The following MGAT5 variants were observed in gnomAD, a reference collection of about 807,000 sequenced individuals.
MGAT5 encodes alpha-1,6-mannosylglycoprotein 6-beta-N-acetylglucosaminyltransferase A.
Under a neutral mutation model 94.3 loss-of-function variants are expected in MGAT5, and 30 were observed. That is an observed-to-expected ratio of 0.32 (90% CI 0.24 to 0.43). The LOEUF (loss-of-function observed/expected upper bound fraction) is 0.43. Among genes scored for constraint, MGAT5 ranks in the 20% least tolerant of loss-of-function variants. The probability of loss-of-function intolerance (pLI) is 1.00; values close to 1 mark genes in which losing one functional copy is unlikely to be tolerated. For missense variants in MGAT5, 691 were observed against 905.5 expected, an observed-to-expected ratio of 0.76 and a Z score of 3.04; for synonymous variants, 310 against 322.9, an observed-to-expected ratio of 0.96 and a Z score of 0.43.
At chr2:134,309,617 T>A (rs982196334) in intron 2 of MGAT5, among the ~76,000 whole-genome samples, 1 of 152,200 alleles carries the variant, frequency 6.6e-6, no homozygotes, top group Non-Finnish European at 1.5e-5. Context: ...CCAGCTGTGT[T>A]CTTCCTATCA....
intron 1 of MGAT5, among the ~76,000 whole-genome samples, chr2:134,194,065 C>G (rs112601258): frequency 3.3e-5 from 5 of 152,204 alleles, no homozygotes; most frequent in African/African-American, 9.6e-5. Context: ...ATTCCATGCA[C>G]TTTCAATACA....
chr2:134,150,905 C>G (rs970352385), intron 1 of MGAT5, among the ~76,000 whole-genome samples: 1 of 152,178 alleles, frequency 6.6e-6, no homozygotes, highest in Non-Finnish European at 1.5e-5. Flanking sequence ...GTTTGGATCT[C>G]TGTGAGGCTC....
intron 9 of MGAT5, among the ~76,000 whole-genome samples, chr2:134,354,420 A>C (rs1022193885): frequency 2.6e-5 from 4 of 152,184 alleles, no homozygotes; most frequent in Non-Finnish European, 5.9e-5. Flanking sequence ...CCCAGTGGGA[A>C]GATAAAGAAA....
chr2:134,247,834 T>A (rs1326125567), intron 1 of MGAT5, among the ~76,000 whole-genome samples: 1 of 152,176 alleles, frequency 6.6e-6, no homozygotes, highest in Non-Finnish European at 1.5e-5. Context: ...TTTTCAGGTT[T>A]TTGATGCAAG....
At chr2:134,413,651 TC>T (rs778183299) in intron 12 of MGAT5, among the ~76,000 whole-genome samples, 15 of 152,228 alleles carry the variant, frequency 9.9e-5, no homozygotes, top group Admixed American at 7.2e-4. Context: ...GTGTGAGTGA[TC>T]AAGCTGGGTG....
intron 1 of MGAT5, among the ~76,000 whole-genome samples, chr2:134,218,725 C>G (rs1010627199): frequency 6.6e-6 from 1 of 152,114 alleles, no homozygotes; most frequent in African/African-American, 2.4e-5. Context: ...GCAAGACTAG[C>G]CCAGATTCAA....
rs188503020 is a variant in MGAT5, at chr2:134,145,401, C to G, written c.-143+25110C>G. Among the ~76,000 whole-genome samples the G allele has an allele frequency of 1.6e-3, 237 of 152,282 alleles. 1 individual carries two copies. The highest frequency in any genetic ancestry group is 5.2e-3 in the African/African-American group (216 of 41,560). ...CTCTACTAAAAATACAAAAAATTAG[C>G]TGGGCATGGTGGCAGGCCCCTGTAG... On this transcript the variant is annotated intron_variant, in intron 1 of 16. Transcript: ENST00000409645.
chr2:134,222,943 T>G lies in MGAT5; in HGVS notation c.-142-31319T>G, dbSNP rs116536351. Among the ~76,000 whole-genome samples the G allele has an allele frequency of 3.6e-3, 547 of 152,278 alleles. 5 individuals are homozygous for G. Among genetic ancestry groups the G allele is most frequent in the African/African-American group, 0.013 (522 of 41,570 alleles). The stretch of plus-strand genomic sequence containing the variant: ...TGGTTTCTGTTAGACTTACAGCAAT[T>G]AGCTATACAAAACATAAGCATTGTT... On this transcript the variant is annotated intron_variant, in intron 1 of 16. Coordinates refer to the MGAT5 transcript ENST00000409645.
chr2:134,294,152 C>T lies in MGAT5; in HGVS notation c.407-23377C>T, dbSNP rs1173790021. 3.3e-5 allele frequency among the ~76,000 whole-genome samples: 5 copies of T among 152,162 alleles called. No homozygotes were observed. In the East Asian group the frequency reaches 9.6e-4, roughly 29 times the overall value. ...GGAGAGAGAAGTTTTATTCTACCTT[C>T]CAGGGTGGCTATTCTGCACTGTTTT... On this transcript the variant is annotated intron_variant, in intron 2 of 15. Coordinates refer to ENST00000281923, the MANE Select transcript of MGAT5 (RefSeq NM_002410.5).
chr2:134,222,478 A>C (rs1680830988), intron 1 of MGAT5, among the ~76,000 whole-genome samples: 1 of 152,296 alleles, frequency 6.6e-6, no homozygotes, highest in African/African-American at 2.4e-5. Context: ...TTTAATTAGA[A>C]TTTAATAAAT....
chr2:134,222,227 A>G (rs1367346854), intron 1 of MGAT5, among the ~76,000 whole-genome samples: 2 of 152,212 alleles, frequency 1.3e-5, no homozygotes, highest in African/African-American at 4.8e-5. Flanking sequence ...TGTATCTGGC[A>G]TAACATTTAC....
intron 4 of MGAT5, among the ~76,000 whole-genome samples, chr2:134,332,067 C>T (rs1271764784): frequency 6.6e-6 from 1 of 152,038 alleles, no homozygotes; most frequent in Non-Finnish European, 1.5e-5. Context: ...TGACTTTCTT[C>T]ACAGAATTGG....
chr2:134,194,839 C>T (rs78162729), intron 1 of MGAT5, among the ~76,000 whole-genome samples: 7,416 of 152,192 alleles, frequency 0.049, 347 homozygotes, highest in African/African-American at 0.12. Flanking sequence ...TGAGCATTTG[C>T]GCCCCTTCTT....
intron 9 of MGAT5, among the ~76,000 whole-genome samples, chr2:134,359,151 A>G (rs374917578): frequency 6.6e-6 from 1 of 152,214 alleles, no homozygotes; most frequent in African/African-American, 2.4e-5. Context: ...CCACATACAT[A>G]TGGCACAAGA....
chr2:134,157,545 G>A (rs1352173795), intron 1 of MGAT5, among the ~76,000 whole-genome samples: 1 of 152,110 alleles, frequency 6.6e-6, no homozygotes, highest in East Asian at 1.9e-4. Flanking sequence ...TGGCACCAGG[G>A]ACTGGTTGCA....
intron 1 of MGAT5, among the ~76,000 whole-genome samples, chr2:134,257,668 A>G (rs1344840552): frequency 2.0e-5 from 3 of 152,112 alleles, no homozygotes; most frequent in Non-Finnish European, 2.9e-5. Flanking sequence ...AGCCATTCTG[A>G]TGATATATGC....
chr2:134,176,803 G>T (rs879579433), intron 1 of MGAT5, among the ~76,000 whole-genome samples: 3 of 152,178 alleles, frequency 2.0e-5, no homozygotes, highest in African/African-American at 7.2e-5. Context: ...TGTGCTGCAG[G>T]CTCCCCTTGG....
intron 5 of MGAT5, among the ~76,000 whole-genome samples, chr2:134,336,623 T>C (rs1688349662): frequency 6.6e-6 from 1 of 152,112 alleles, no homozygotes; most frequent in African/African-American, 2.4e-5. Context: ...CTGTGGGAAT[T>C]AATGAGGAAG....
intron 1 of MGAT5, among the ~76,000 whole-genome samples, chr2:134,187,449 C>T (rs924141816): frequency 2.9e-4 from 44 of 152,140 alleles, no homozygotes; most frequent in African/African-American, 1.0e-3. Flanking sequence ...GACTTTATCT[C>T]CTGCTACCTT....
Sources: allele counts gnomAD v4.1 joint callset (sites outside exome capture counted in the v4.1 genomes callset), GRCh38; gene constraint gnomAD v4.1.1; transcripts MANE v1.5; gene names NCBI Gene and HGNC (gene_info 2026-07-23, HGNC 2026-07-21).